ZNF423: variants seen among roughly 807,000 people sequenced by gnomAD.
The protein encoded by ZNF423 is zinc finger protein 423.
In ZNF423, 12 loss-of-function variants were observed where a neutral mutation model predicts 95.8. That is an observed-to-expected ratio of 0.13 (90% CI 0.08 to 0.20). ZNF423 has a LOEUF of 0.20. Ranked by LOEUF, ZNF423 falls within the 10% of genes least tolerant of loss-of-function variation. ZNF423 has a pLI of 1.00. For missense variants in ZNF423, 1,316 were observed against 1,737.1 expected, an observed-to-expected ratio of 0.76 and a Z score of 4.31; for synonymous variants, 749 against 711.9, an observed-to-expected ratio of 1.05 and a Z score of -0.83.
chr16:49,810,657 C>T (rs898540698), intron 1 of ZNF423, among the ~76,000 whole-genome samples: 1 of 152,184 alleles, frequency 6.6e-6, no homozygotes. Context: ...TCATCGCAAG[C>T]CCTTTGCTTT....
At chr16:49,602,477 TCCATAGA>T (rs1215237032) in intron 5 of ZNF423, among the ~76,000 whole-genome samples, 4 of 152,094 alleles carry the variant, frequency 2.6e-5, no homozygotes, top group African/African-American at 9.7e-5. Context: ...CATGAAGGTG[TCCATAGA>T]CCAGGGCACA....
At chr16:49,659,927 A>G (rs552620544) in intron 3 of ZNF423, among the ~76,000 whole-genome samples, 1 of 152,300 alleles carries the variant, frequency 6.6e-6, no homozygotes, top group Non-Finnish European at 1.5e-5. Context: ...ATATTTGCCA[A>G]ATGAGTCAAT....
In ZNF423 at chr16:49,709,703, G is replaced by A. The variant is rs938282317; in HGVS notation, c.301+21068C>T. Among the ~76,000 whole-genome samples the A allele has an allele frequency of 7.9e-5, 12 of 152,218 alleles. No homozygotes were observed. In the East Asian group the frequency reaches 1.5e-3, roughly 20 times the overall value. ...TAGGTCATGAGGGTTCCATCCCTAC[G>A]AGTGCGATCAGTTTCCTTATCAAAA... On this transcript the variant is annotated intron_variant, in intron 3 of 7. Transcript: ENST00000563137.
intron 2 of ZNF423, among the ~76,000 whole-genome samples, chr16:49,779,558 C>T (rs939098580): frequency 1.5e-4 from 23 of 152,108 alleles, no homozygotes; most frequent in Non-Finnish European, 2.2e-4. Flanking sequence ...CACCCCAGGA[C>T]GCACAAGGCT....
chr16:49,842,582 T>TG (rs1204640463), intron 1 of ZNF423, among the ~76,000 whole-genome samples: 2 of 151,714 alleles, frequency 1.3e-5, no homozygotes, highest in African/African-American at 2.4e-5. Flanking sequence ...CCTCATATCT[T>TG]GGGGGGGAAA....
chr16:49,805,607 G>A (rs1053919408), intron 1 of ZNF423, among the ~76,000 whole-genome samples: 5 of 152,130 alleles, frequency 3.3e-5, no homozygotes, highest in East Asian at 1.9e-4. Flanking sequence ...GGCAAAGCTC[G>A]CCAGGCAGGT....
At chr16:49,842,024 GT>G (rs1459769882) in intron 1 of ZNF423, among the ~76,000 whole-genome samples, 1 of 151,818 alleles carries the variant, frequency 6.6e-6, no homozygotes, top group African/African-American at 2.4e-5. Flanking sequence ...ATCACCTGAG[GT>G]CAGTAGCTCG....
intron 1 of ZNF423, among the ~76,000 whole-genome samples, chr16:49,842,410 A>AAGGAAGGAAGGCAGGCAGGC (rs1448904663): frequency 6.4e-5 from 5 of 77,962 alleles, no homozygotes; most frequent in African/African-American, 1.8e-4. Flanking sequence ...GGAAGGAAGG[A>AAGGAAGGAAGGCAGGCAGGC]AGGCAGGCAG....
intron 7 of ZNF423, among the ~76,000 whole-genome samples, chr16:49,497,779 G>C (rs12446760): frequency 0.43 from 64,962 of 152,084 alleles, 14,403 homozygotes; most frequent in African/African-American, 0.55. Context: ...CCTTTCCAGG[G>C]GAAGAAGTAG....
At chr16:49,671,144 G>A (rs1453904485) in intron 3 of ZNF423, among the ~76,000 whole-genome samples, 1 of 152,236 alleles carries the variant, frequency 6.6e-6, no homozygotes, top group Non-Finnish European at 1.5e-5. Flanking sequence ...GGAAGGCCCA[G>A]CTTCCCTCAT....
intron 3 of ZNF423, among the ~76,000 whole-genome samples, chr16:49,698,845 A>C (rs190753158): frequency 6.6e-6 from 1 of 152,236 alleles, no homozygotes; most frequent in Non-Finnish European, 1.5e-5. Context: ...AAGAAAGAAC[A>C]AAACCACAAA....
chr16:49,667,423 A>T lies in ZNF423; in HGVS notation c.302-28549T>A, dbSNP rs554571470. Among the ~76,000 whole-genome samples the T allele has an allele frequency of 7.9e-5, 12 of 152,376 alleles. No homozygotes were observed. The South Asian group carries it at 2.5e-3, about 32-fold the overall frequency. On this transcript the variant is annotated intron_variant, in intron 3 of 7. Transcript: ENST00000563137. ...AGGAAGGGGAGAATTTTAAAACTGG[A>T]TAAAAGAAATTAAACAGGGTAAAAA... is the stretch of plus-strand genomic sequence containing the variant.
At position 49,647,873 on chromosome 16, in the gene ZNF423, A is replaced by G. The variant is rs186737240; in HGVS notation, c.302-8999T>C. On this transcript the variant is annotated intron_variant, in intron 3 of 7. Coordinates refer to ENST00000563137, the MANE Select transcript of ZNF423 (RefSeq NM_001379286.1). Reference sequence around the variant, plus strand: ...ATAGCAAACTAATACAGATTTTGGTACCAGGAGTGGGGTGCTATGAGAACA... The same window carrying G: ...ATAGCAAACTAATACAGATTTTGGTGCCAGGAGTGGGGTGCTATGAGAACA... Among the ~76,000 whole-genome samples, 151 of 152,318 alleles carry G rather than the reference A, an allele frequency of 9.9e-4. 6 individuals carry two copies. In the Middle Eastern group the frequency reaches 0.01, roughly 10 times the overall value.
intron 2 of ZNF423, among the ~76,000 whole-genome samples, chr16:49,779,493 T>G (rs1252355684): frequency 2.0e-5 from 3 of 152,120 alleles, no homozygotes; most frequent in Admixed American, 2.0e-4. Flanking sequence ...TGAGTCAGAA[T>G]CTGCATCTTG....
upstream of ZNF423, among the ~76,000 whole-genome samples, chr16:49,856,463 G>A (rs1457853780): frequency 6.8e-6 from 1 of 148,064 alleles, no homozygotes; most frequent in Non-Finnish European, 1.5e-5. Context: ...ATTATCCCCT[G>A]CCGCACAAAA....
intron 5 of ZNF423, among the ~76,000 whole-genome samples, chr16:49,551,436 G>A (rs1969630167): frequency 6.6e-6 from 1 of 152,170 alleles, no homozygotes; most frequent in Non-Finnish European, 1.5e-5. Context: ...TAAGTACCCA[G>A]GATACGGTCT....
At chr16:49,758,176 T>C (rs899615161) in intron 2 of ZNF423, among the ~76,000 whole-genome samples, 1 of 152,230 alleles carries the variant, frequency 6.6e-6, no homozygotes, top group African/African-American at 2.4e-5. Flanking sequence ...TCTCGCTCTG[T>C]CACCGAGGCT....
chr16:49,568,101 G>T (rs1970248184), intron 5 of ZNF423, among the ~76,000 whole-genome samples: 1 of 152,172 alleles, frequency 6.6e-6, no homozygotes, highest in Non-Finnish European at 1.5e-5. Context: ...GGATGAGCAT[G>T]TGACTAAGGC....
intron 1 of ZNF423, among the ~76,000 whole-genome samples, chr16:49,818,890 A>G (rs1026457316): frequency 6.6e-6 from 1 of 152,120 alleles, no homozygotes; most frequent in African/African-American, 2.4e-5. Context: ...CTGTCTCTAA[A>G]AAAATAATAA....
Sources: allele counts gnomAD v4.1 joint callset (sites outside exome capture counted in the v4.1 genomes callset), GRCh38; gene constraint gnomAD v4.1.1; transcripts MANE v1.5; gene names NCBI Gene and HGNC (gene_info 2026-07-23, HGNC 2026-07-21).